The following ARL15 variants were observed in gnomAD, a reference collection of about 807,000 sequenced individuals.
ARL15 encodes the protein ADP-ribosylation factor-like protein 15.
ARL15 carries 19 observed loss-of-function variants against 25.2 expected under a neutral mutation model. That is an observed-to-expected ratio of 0.75 (90% confidence interval 0.53 to 1.10). The LOEUF (loss-of-function observed/expected upper bound fraction) is 1.10. ARL15 is among the 50% of genes least tolerant of loss of function. ARL15 has a pLI of 0.00. For synonymous variants in ARL15, 94 were observed against 86.8 expected (o/e 1.08, Z -0.46); for missense variants, 220 against 246.0 (o/e 0.89, Z 0.71).
chr5:53,914,748 G>C (rs1171113967), intron 4 of ARL15, among the ~76,000 whole-genome samples: 1 of 152,080 alleles, frequency 6.6e-6, no homozygotes, highest in Non-Finnish European at 1.5e-5. Context: ...AATAGACAAA[G>C]GAATCTTTTC....
intron 4 of ARL15, among the ~76,000 whole-genome samples, chr5:53,921,044 C>T (rs1198475037): frequency 6.6e-6 from 1 of 152,148 alleles, no homozygotes; most frequent in Admixed American, 6.5e-5. Flanking sequence ...AGCAGAGTGC[C>T]CCCACTGACC....
At chr5:54,284,684 C>T (rs1758143925) in intron 1 of ARL15, among the ~76,000 whole-genome samples, 1 of 152,090 alleles carries the variant, frequency 6.6e-6, no homozygotes, top group Admixed American at 6.6e-5. Flanking sequence ...ACCCTGAAAA[C>T]CCTCAATTTA....
rs532950204 is a variant in ARL15 at position 54,055,915 on chromosome 5, G to A, written c.462+57287C>T. Among the ~76,000 whole-genome samples, 21 of 152,176 alleles carry A rather than the reference G, an allele frequency of 1.4e-4. No individual in the cohort carries two copies. The South Asian group carries it at 1.9e-3, about 14-fold the overall frequency. ...AGTGAACTGTGGGCTCCCCAGACGC[G>A]GGGACAAAGCTTTGTGCATCTTTGG... On this transcript the variant is annotated intron_variant, in intron 4 of 4. Coordinates refer to ENST00000504924, the MANE Select transcript of ARL15 (RefSeq NM_019087.3).
At chr5:54,274,448 C>T (rs1757871740) in intron 1 of ARL15, among the ~76,000 whole-genome samples, 1 of 152,218 alleles carries the variant, frequency 6.6e-6, no homozygotes, top group South Asian at 2.1e-4. Context: ...CACAGTGTAA[C>T]TATTTTACTG....
intron 4 of ARL15, among the ~76,000 whole-genome samples, chr5:54,033,205 C>T (rs991597339): frequency 1.3e-5 from 2 of 151,506 alleles, no homozygotes; most frequent in African/African-American, 4.9e-5. Flanking sequence ...CCCAGCTACT[C>T]GGGAGGCTGA....
intron 2 of ARL15, among the ~76,000 whole-genome samples, chr5:54,167,418 C>A (rs908456517): frequency 1.3e-5 from 2 of 152,196 alleles, no homozygotes; most frequent in Admixed American, 6.5e-5. Flanking sequence ...ACTCTCAAGG[C>A]ATTAAGCTGG....
chr5:54,248,133 G>A (rs938794754), intron 1 of ARL15, among the ~76,000 whole-genome samples: 10 of 152,128 alleles, frequency 6.6e-5, no homozygotes, highest in Non-Finnish European at 1.5e-5. Flanking sequence ...GAACTAAATT[G>A]TATCTCCCCC....
chr5:54,217,312 T>C (rs1465420329), intron 1 of ARL15, among the ~76,000 whole-genome samples: 3 of 151,994 alleles, frequency 2.0e-5, no homozygotes, highest in African/African-American at 7.2e-5. Context: ...AATATACCAA[T>C]TGCAAATTTA....
chr5:54,022,295 T>C (rs934986320), intron 4 of ARL15, among the ~76,000 whole-genome samples: 4 of 152,122 alleles, frequency 2.6e-5, no homozygotes, highest in African/African-American at 9.7e-5. Flanking sequence ...CTGAGTGCTT[T>C]GAATCAAGGT....
In ARL15 at chr5:53,965,417, G is replaced by A. The variant is rs1255210975; in HGVS notation, c.463-78704C>T. On this transcript the variant is annotated intron_variant, in intron 4 of 4. Coordinates refer to ENST00000504924, the MANE Select transcript of ARL15 (RefSeq NM_019087.3). The stretch of plus-strand genomic sequence containing the variant: ...ATTATTTTAGCAATCTTCTGAAACT[G>A]ATTGACAACAGTTGACATTTAATTA... 2.6e-5 allele frequency among the ~76,000 whole-genome samples: 4 copies of A among 152,144 alleles called. 1 individual carries two copies. The highest frequency in any genetic ancestry group is 9.7e-5 in the African/African-American group (4 of 41,428).
At chr5:53,895,899 G>A (rs271207) in intron 4 of ARL15, among the ~76,000 whole-genome samples, 142,249 of 152,288 alleles carry the variant, frequency 0.93, 67,073 homozygotes, top group Non-Finnish European at 1. Context: ...TGAATTTTAT[G>A]AATTAAATGA....
At chr5:54,235,577 GC>G (rs1382935120) in intron 1 of ARL15, among the ~76,000 whole-genome samples, 3 of 149,656 alleles carry the variant, frequency 2.0e-5, no homozygotes, top group Non-Finnish European at 4.4e-5. Context: ...CTGCAGCCTT[GC>G]TCCTGGGCTC....
chr5:54,282,411 T>A (rs1450737431), intron 1 of ARL15: 2 of 985,462 alleles, frequency 2.0e-6, no homozygotes, highest in Non-Finnish European at 2.4e-6. Context: ...TGTTTCCCTC[T>A]TTAAAGAAAA....
intron 1 of ARL15, among the ~76,000 whole-genome samples, chr5:54,232,388 A>G (rs1756694337): frequency 6.6e-6 from 1 of 152,230 alleles, no homozygotes; most frequent in Non-Finnish European, 1.5e-5. Context: ...TCAAAAAGGT[A>G]GGCAGAAAAA....
At chr5:54,182,603 TTTGGCTTAGGATTGAC>T (rs1308098569) in intron 1 of ARL15, among the ~76,000 whole-genome samples, 2 of 147,796 alleles carry the variant, frequency 1.4e-5, no homozygotes, top group African/African-American at 4.9e-5. Context: ...GCTTTGTTCT[TTTGGCTTAGGATTGAC>T]TTGGCGATGC....
intron 3 of ARL15, among the ~76,000 whole-genome samples, chr5:54,148,716 A>T (rs189692988): frequency 6.6e-6 from 1 of 152,202 alleles, no homozygotes; most frequent in Admixed American, 6.5e-5. Flanking sequence ...GGTGGCTGGG[A>T]TGGGGCATGG....
At chr5:54,121,239 T>C (rs1163935123) in intron 3 of ARL15, among the ~76,000 whole-genome samples, 1 of 152,194 alleles carries the variant, frequency 6.6e-6, no homozygotes, top group South Asian at 2.1e-4. Context: ...CTCTGCAATA[T>C]ATGACTGCAC....
intron 3 of ARL15, among the ~76,000 whole-genome samples, chr5:54,148,489 T>C (rs1282729366): frequency 6.6e-6 from 1 of 152,206 alleles, no homozygotes; most frequent in Non-Finnish European, 1.5e-5. Flanking sequence ...CTGCACTTTC[T>C]ATATTACCCT....
intron 3 of ARL15, among the ~76,000 whole-genome samples, chr5:54,133,330 C>A (rs1753494138): frequency 6.6e-6 from 1 of 152,150 alleles, no homozygotes; most frequent in African/African-American, 2.4e-5. Context: ...AAGTTCCACA[C>A]AAGTCGGATT....
Sources: gnomAD v4.1 joint callset for allele counts (sites outside exome capture counted in the v4.1 genomes callset) on GRCh38, gnomAD v4.1.1 for gene constraint, MANE v1.5 for transcripts, NCBI Gene and HGNC (gene_info 2026-07-23, HGNC 2026-07-21) for gene names.